Variants in KTN1 observed in about 807,000 individuals in gnomAD.
KTN1 encodes the protein kinectin.
Under a neutral mutation model 222.5 loss-of-function variants are expected in KTN1, and 130 were observed. That is an observed-to-expected ratio of 0.58 (90% CI 0.51 to 0.68). The LOEUF is 0.68. Among genes scored for constraint, KTN1 ranks in the 30% least tolerant of loss-of-function variants. KTN1 has a pLI of 0.00. For synonymous variants in KTN1, 512 were observed against 496.3 expected (o/e 1.03, Z -0.42); for missense variants, 1,508 against 1,500.4 (o/e 1.01, Z -0.08).
In KTN1 at chr14:55,639,177, T is replaced by G. The variant is rs895864494; in HGVS notation, c.1786-8T>G. 1.3e-6 allele frequency: 2 copies of G among 1,591,286 alleles called. No individual in the cohort carries two copies. Among genetic ancestry groups the G allele is most frequent in the African/African-American group, 2.7e-5 (2 of 74,346 alleles). On this transcript the variant is annotated splice_region_variant and splice_polypyrimidine_tract_variant and intron_variant, in intron 12 of 43. Coordinates refer to ENST00000395314, the MANE Select transcript of KTN1 (RefSeq NM_001079521.2). ...TACTTTTATGTTGACACTATTTTTC[T>G]TTCTTAGACCTCCGCTTCAGTTCTA...
At chr14:55,581,791 A>G (rs1026491914) in intron 1 of KTN1, among the ~76,000 whole-genome samples, 1 of 149,790 alleles carries the variant, frequency 6.7e-6, no homozygotes, top group Non-Finnish European at 1.5e-5. Flanking sequence ...GAGACTTGGG[A>G]TAATGATCCC....
intron 21 of KTN1, among the ~76,000 whole-genome samples, chr14:55,649,363 T>TTTTA (rs139348760): frequency 6.6e-6 from 1 of 151,840 alleles, no homozygotes; most frequent in Non-Finnish European, 1.5e-5. Flanking sequence ...TTAATACTGA[T>TTTTA]TGCCAGGTAC....
chr14:55,647,210 T>G lies in KTN1; in HGVS notation c.2207+203T>G, dbSNP rs917953349. Among the ~76,000 whole-genome samples, 14 of 152,320 alleles carry G rather than the reference T, an allele frequency of 9.2e-5. No individual in the cohort carries two copies. In the South Asian group the frequency reaches 2.1e-3, roughly 23 times the overall value. On this transcript the variant is annotated intron_variant, in intron 19 of 43. Transcript: ENST00000395314. ...GGCTAGCATATAAGAATGAATTACT[T>G]GAGTACATTTTACTTGTAAAGAGGA... is the stretch of plus-strand genomic sequence containing the variant.
intron 42 of KTN1, 173 bp from the exon 43 acceptor site, chr14:55,679,392 T>C (rs1455246821): frequency 3.7e-6 from 2 of 542,624 alleles, no homozygotes; most frequent in Non-Finnish European, 6.3e-6. Context: ...TTTGCACCAC[T>C]AGTTAGCAAA....
At chr14:55,629,666 G>A in intron 6 of KTN1, among the ~76,000 whole-genome samples, 1 of 152,156 alleles carries the variant, frequency 6.6e-6, no homozygotes, top group East Asian at 1.9e-4. Context: ...TAGAATGTAG[G>A]ATTTATTCTA....
intron 8 of KTN1, 46 bp downstream of exon 8, chr14:55,633,387 T>G: frequency 8.9e-7 from 1 of 1,125,994 alleles, no homozygotes; most frequent in Non-Finnish European, 1.3e-6. Flanking sequence ...GCAGAGTATT[T>G]TCTTGAATCA....
chr14:55,580,461 G>C (rs1375328540), intron 1 of KTN1, 107 bp downstream of exon 1: 5 of 146,358 alleles, frequency 3.4e-5, no homozygotes, highest in Non-Finnish European at 4.6e-5. Flanking sequence ...CGCGCCGGGC[G>C]GGGGGGCGCG....
At chr14:55,644,104 G>C (rs1566783234) in intron 18 of KTN1, among the ~76,000 whole-genome samples, 1 of 152,140 alleles carries the variant, frequency 6.6e-6, no homozygotes, top group Non-Finnish European at 1.5e-5. Flanking sequence ...TGAGGTTTTG[G>C]TTATAGTTGA....
At chr14:55,657,951 A>T (rs879636162) in intron 29 of KTN1, among the ~76,000 whole-genome samples, 10 of 152,136 alleles carry the variant, frequency 6.6e-5, no homozygotes, top group Non-Finnish European at 1.2e-4. Flanking sequence ...TAATGTGTTT[A>T]TAATTCTTTT....
intron 38 of KTN1, 93 bp downstream of exon 38, chr14:55,672,794 T>A: frequency 9.5e-7 from 1 of 1,058,146 alleles, no homozygotes; most frequent in East Asian, 2.4e-5. Context: ...TACTTTATAG[T>A]TATGCTCTTA....
intron 1 of KTN1, among the ~76,000 whole-genome samples, chr14:55,603,618 T>C (rs553766428): frequency 5.8e-4 from 88 of 152,366 alleles, no homozygotes; most frequent in African/African-American, 2.1e-3. Flanking sequence ...TGAGACCTGG[T>C]CTCTATTTAT....
intron 43 of KTN1, chr14:55,682,958 C>T (rs114203339): frequency 1.3e-3 from 192 of 152,200 alleles, no homozygotes; most frequent in African/African-American, 4.5e-3. Context: ...GAGAGGCTTA[C>T]AGTAGTATCC....
chr14:55,679,977 G>A lies in KTN1; in HGVS notation c.4069+292G>A, dbSNP rs1348559315. The A allele has an allele frequency of 1.2e-5, 4 of 320,610 alleles. No individual in the cohort carries two copies. In the South Asian group the frequency reaches 1.5e-4, roughly 12 times the overall value. 19.9% of individuals were successfully genotyped at this position (320,610 alleles called of 1,614,324 possible). A position where few individuals can be genotyped will look rare whatever the true frequency, so the allele number is the denominator to read the frequency against. ...GTGTGTTGCCTTAATACCTGCAACG[G>A]CTTCGTTAATTTATTCTGTTCTTAG... On this transcript the variant is annotated intron_variant, in intron 43 of 43. Transcript: ENST00000395314.
chr14:55,580,883 C>T (rs952620424), intron 1 of KTN1, among the ~76,000 whole-genome samples: 19 of 152,178 alleles, frequency 1.2e-4, no homozygotes, highest in Non-Finnish European at 2.9e-5. Flanking sequence ...CTGCCTCCGG[C>T]GGTCTGGGCG....
chr14:55,683,924 G>C (rs1219065004), intron 43 of KTN1, among the ~76,000 whole-genome samples, 175 bp from the exon 44 acceptor site: 2 of 151,908 alleles, frequency 1.3e-5, no homozygotes, highest in Admixed American at 6.6e-5. Context: ...TGTTTCCTTT[G>C]AATCCTGAGA....
At chr14:55,603,730 A>G (rs2036314997) in intron 1 of KTN1, among the ~76,000 whole-genome samples, 2 of 152,168 alleles carry the variant, frequency 1.3e-5, no homozygotes, top group African/African-American at 4.8e-5. Context: ...GTCATGTGAC[A>G]ACTCTTATTT....
chr14:55,583,546 C>G (rs1034084935), intron 1 of KTN1, among the ~76,000 whole-genome samples: 4 of 152,204 alleles, frequency 2.6e-5, no homozygotes, highest in Non-Finnish European at 4.4e-5. Context: ...TGTTTGCACT[C>G]TTCTTCCAGG....
intron 1 of KTN1, among the ~76,000 whole-genome samples, chr14:55,601,131 A>T (rs555771171): frequency 6.6e-6 from 1 of 152,352 alleles, no homozygotes; most frequent in South Asian, 2.1e-4. Context: ...ATTTGTTGTG[A>T]CATGATACCT....
chr14:55,624,482 A>G (rs1412108918), intron 5 of KTN1, among the ~76,000 whole-genome samples: 1 of 152,232 alleles, frequency 6.6e-6, no homozygotes, highest in Non-Finnish European at 1.5e-5. Flanking sequence ...GAGAAATTTC[A>G]GAAAGCTGTT....
Sources: gnomAD v4.1 joint callset for allele counts (sites outside exome capture counted in the v4.1 genomes callset) on GRCh38, gnomAD v4.1.1 for gene constraint, MANE v1.5 for transcripts, NCBI Gene and HGNC (gene_info 2026-07-23, HGNC 2026-07-21) for gene names.